Variants in LRRC7 observed in about 807,000 individuals in gnomAD.
The protein encoded by LRRC7 is leucine rich repeat containing 7.
Under a neutral mutation model 175.7 loss-of-function variants are expected in LRRC7, and 23 were observed. That is an observed-to-expected ratio of 0.13 (90% CI 0.09 to 0.19). The LOEUF is 0.19. Among genes scored for constraint, LRRC7 ranks in the 10% least tolerant of loss-of-function variants. The probability of loss-of-function intolerance (pLI) is 1.00; values close to 1 mark genes in which losing one functional copy is unlikely to be tolerated. For synonymous variants in LRRC7, 685 were observed against 680.9 expected (o/e 1.01, Z -0.09); for missense variants, 1,354 against 1,904.7 (o/e 0.71, Z 5.38).
At chr1:69,673,602 T>A (rs979508365) in intron 1 of LRRC7, among the ~76,000 whole-genome samples, 2 of 152,200 alleles carry the variant, frequency 1.3e-5, no homozygotes, top group South Asian at 2.1e-4. Flanking sequence ...AAACTGTAGA[T>A]CATAGATAAT....
In LRRC7 at chr1:70,128,538, G is replaced by A. The variant is rs992074583; in HGVS notation, c.*6651G>A. On this transcript the variant is annotated 3_prime_UTR_variant, in exon 27 of 27. Coordinates refer to ENST00000651989, the MANE Select transcript of LRRC7 (RefSeq NM_001370785.2). ...GCAAACTCTTGTACTTCCTCCACAGGAAAACATTTACTGTAGCTGAATCTC... is the reference window on the plus strand; with the variant it reads ...GCAAACTCTTGTACTTCCTCCACAGAAAAACATTTACTGTAGCTGAATCTC... The A allele has an allele frequency of 2.6e-5, 4 of 152,068 alleles. No homozygotes were observed. Among genetic ancestry groups the A allele is most frequent in the African/African-American group, 9.7e-5 (4 of 41,396 alleles). The allele number at this position is 152,068 out of a possible 1,614,324, so 9.4% of individuals were successfully genotyped here.
intron 9 of LRRC7, among the ~76,000 whole-genome samples, chr1:69,982,510 A>T (rs1004661530): frequency 5.1e-4 from 77 of 152,280 alleles, no homozygotes; most frequent in African/African-American, 1.8e-3. Context: ...AAGCACATTC[A>T]TTTTTTTCTT....
In LRRC7 at chr1:69,834,763, C is replaced by T. The variant is rs776724181; in HGVS notation, c.501-17C>T. The T allele has an allele frequency of 1.2e-6, 2 of 1,600,458 alleles. No individual in the cohort carries two copies. The highest frequency in any genetic ancestry group is 4.5e-5 in the East Asian group (2 of 44,648). ...AGCAACATCAATGCAGTGACTAAAA[C>T]TTTAACTCCTTTTTAGACTACCTGA... On this transcript the variant is annotated splice_polypyrimidine_tract_variant and intron_variant, in intron 5 of 26. Transcript: ENST00000651989.
chr1:69,642,061 G>A (rs1046731187), intron 1 of LRRC7, among the ~76,000 whole-genome samples: 2 of 151,792 alleles, frequency 1.3e-5, no homozygotes, highest in East Asian at 1.9e-4. Context: ...TATTTCATGT[G>A]GTTGAATACA....
At chr1:69,704,625 C>T (rs1308918093) in intron 2 of LRRC7, among the ~76,000 whole-genome samples, 1 of 151,716 alleles carries the variant, frequency 6.6e-6, no homozygotes, top group East Asian at 1.9e-4. Context: ...AATTATTATT[C>T]TGTTTATAAA....
At chr1:69,808,699 G>T (rs942762233) in intron 4 of LRRC7, among the ~76,000 whole-genome samples, 15 of 152,004 alleles carry the variant, frequency 9.9e-5, no homozygotes, top group Admixed American at 6.6e-5. Context: ...AAATAAATAA[G>T]TTCTTTGAAA....
chr1:69,672,694 A>G (rs984178422), intron 1 of LRRC7, among the ~76,000 whole-genome samples: 2 of 152,176 alleles, frequency 1.3e-5, no homozygotes, highest in African/African-American at 4.8e-5. Flanking sequence ...TCAAGTGTAA[A>G]TCTATTTCAA....
intron 2 of LRRC7, among the ~76,000 whole-genome samples, chr1:69,757,302 G>A (rs1670538517): frequency 6.6e-6 from 1 of 152,004 alleles, no homozygotes; most frequent in African/African-American, 2.4e-5. Flanking sequence ...CATGTGATGT[G>A]AGAAAATCAG....
intron 7 of LRRC7, among the ~76,000 whole-genome samples, chr1:69,882,182 A>G (rs1686686469): frequency 6.6e-6 from 1 of 152,154 alleles, no homozygotes. Flanking sequence ...GAGTTATCAC[A>G]GTATACCAGT....
chr1:69,907,395 G>C (rs569870573), intron 7 of LRRC7, among the ~76,000 whole-genome samples: 1 of 152,128 alleles, frequency 6.6e-6, no homozygotes, highest in Non-Finnish European at 1.5e-5. Context: ...TTGGCTGTGG[G>C]TTTGTCATAG....
rs1366173244 is a variant in LRRC7 at position 69,633,642 on chromosome 1, C to T, written c.3-44739C>T. Among the ~76,000 whole-genome samples the T allele has an allele frequency of 3.9e-5, 6 of 151,962 alleles. No individual in the cohort carries two copies. The East Asian group carries it at 5.8e-4, about 15-fold the overall frequency. ...TAGTATTTCACCATGTTGGCCAGGC[C>T]GATTATGAATTCCTGACCTCAAGTG... On this transcript the variant is annotated intron_variant, in intron 1 of 26. Coordinates refer to ENST00000651989, the MANE Select transcript of LRRC7 (RefSeq NM_001370785.2).
chr1:69,608,852 CTCTCTCTCTCTCTCTATATATA>C (rs1440627075), intron 1 of LRRC7, among the ~76,000 whole-genome samples: 1,679 of 43,388 alleles, frequency 0.039, 4 homozygotes, highest in East Asian at 0.058. Flanking sequence ...CTCTCTCTCT[CTCTCTCTCTCTCTCTATATATA>C]TATATATATA....
chr1:69,897,407 G>C (rs1646010136), intron 7 of LRRC7, among the ~76,000 whole-genome samples: 3 of 151,974 alleles, frequency 2.0e-5, no homozygotes, highest in South Asian at 4.2e-4. Context: ...TTCTTACCCT[G>C]CTTTATTTTT....
In LRRC7 at chr1:70,130,993, A is replaced by G. The variant is rs976205211; in HGVS notation, c.*9106A>G. On this transcript the variant is annotated 3_prime_UTR_variant, in exon 27 of 27. Transcript: ENST00000651989. ...TGTTTACACACTGCATTTTGGCATCATTTCATGAATAGATCCCACCCCCTA... is the reference window on the plus strand; with the variant it reads ...TGTTTACACACTGCATTTTGGCATCGTTTCATGAATAGATCCCACCCCCTA... Among the ~76,000 whole-genome samples, 1 of 152,220 alleles carries G rather than the reference A, an allele frequency of 6.6e-6. No individual in the cohort carries two copies. The highest frequency in any genetic ancestry group is 6.5e-5 in the Admixed American group (1 of 15,282).
intron 1 of LRRC7, among the ~76,000 whole-genome samples, chr1:69,627,902 C>T (rs1651861404): frequency 9.5e-6 from 1 of 105,042 alleles, no homozygotes; most frequent in Non-Finnish European, 2.5e-5. Context: ...AAAGCTTAAC[C>T]AATTATTCCA....
intron 2 of LRRC7, among the ~76,000 whole-genome samples, chr1:69,702,616 A>G (rs1663503446): frequency 6.6e-6 from 1 of 152,136 alleles, no homozygotes; most frequent in Non-Finnish European, 1.5e-5. Flanking sequence ...CTAACTTTTT[A>G]ATTCTTGACA....
intron 7 of LRRC7, among the ~76,000 whole-genome samples, chr1:69,894,250 T>G (rs1645917705): frequency 2.0e-5 from 3 of 152,134 alleles, no homozygotes; most frequent in Non-Finnish European, 4.4e-5. Context: ...ATTTTACAAA[T>G]AAAGAAACTA....
intron 21 of LRRC7, among the ~76,000 whole-genome samples, chr1:70,042,506 T>G (rs1411665997): frequency 6.6e-6 from 1 of 152,208 alleles, no homozygotes; most frequent in Non-Finnish European, 1.5e-5. Context: ...TGGTGAAAGA[T>G]CTAAGTGTTG....
intron 13 of LRRC7, among the ~76,000 whole-genome samples, chr1:70,016,220 G>T (rs752472151): frequency 5.5e-4 from 83 of 152,234 alleles, no homozygotes; most frequent in Middle Eastern, 6.8e-3. Flanking sequence ...ATTTTTAGGG[G>T]CCAGACCTTT....
Sources: gnomAD v4.1 joint callset for allele counts (sites outside exome capture counted in the v4.1 genomes callset) on GRCh38, gnomAD v4.1.1 for gene constraint, MANE v1.5 for transcripts, NCBI Gene and HGNC (gene_info 2026-07-23, HGNC 2026-07-21) for gene names.